DPP6: variants seen among roughly 807,000 people sequenced by gnomAD.
The protein encoded by DPP6 is A-type potassium channel modulatory protein DPP6.
DPP6 carries 69 observed loss-of-function variants against 122.6 expected under a neutral mutation model. That is an observed-to-expected ratio of 0.56 (90% confidence interval 0.46 to 0.69). The LOEUF is 0.69. Ranked by LOEUF, DPP6 falls within the 30% of genes least tolerant of loss-of-function variation. DPP6 has a pLI of 0.00. For synonymous variants in DPP6, 418 were observed against 433.1 expected (o/e 0.97, Z 0.43); for missense variants, 928 against 1,116.9 (o/e 0.83, Z 2.41).
chr7:153,974,658 A>G (rs1796203336), intron 1 of DPP6, among the ~76,000 whole-genome samples: 1 of 152,220 alleles, frequency 6.6e-6, no homozygotes, highest in Non-Finnish European at 1.5e-5. Flanking sequence ...TGACTCCAAC[A>G]CAGGGCCCTG....
chr7:153,759,971 ATCTCTC>A, the DPP6 span, among the ~76,000 whole-genome samples: 1,855 of 137,036 alleles, frequency 0.014, 15 homozygotes, highest in Admixed American at 0.021. Context: ...CTGTTTCTGT[ATCTCTC>A]TCTCTCTCTC....
Position 153,890,683 on chromosome 7 carries a change from CTTTTTTT to C in DPP6, c.51+2969_51+2975del, listed in dbSNP as rs34345128. Among the ~76,000 whole-genome samples, 40 of 81,994 alleles carry C rather than the reference CTTTTTTT, an allele frequency of 4.9e-4. 2 individuals are homozygous for C. The highest frequency in any genetic ancestry group is 4.7e-3 in the East Asian group (13 of 2,762). The allele number at this position is 81,994 out of a possible 152,430, so 53.8% of individuals were successfully genotyped here. A position where few individuals can be genotyped will look rare whatever the true frequency, so the allele number is the denominator to read the frequency against. ...TACCACAGGTGGAATCAGTTTAGAA[CTTTTTTT>C]TTTTTTTTTTTTTTTTTTTGGAGAC... On this transcript the variant is annotated intron_variant, in intron 1 of 25. Transcript: ENST00000404039.
At chr7:154,647,918 T>A (rs938089350) in intron 6 of DPP6, among the ~76,000 whole-genome samples, 1 of 151,802 alleles carries the variant, frequency 6.6e-6, no homozygotes, top group Non-Finnish European at 1.5e-5. Context: ...CAAGCCTGGT[T>A]CATGTGTGTG....
the DPP6 span, among the ~76,000 whole-genome samples, chr7:153,820,907 A>C: frequency 7.1e-6 from 1 of 140,864 alleles, no homozygotes; most frequent in South Asian, 2.5e-4. Context: ...CTGGGGAAAT[A>C]AGGAAGTGGA....
the DPP6 span, among the ~76,000 whole-genome samples, chr7:153,765,980 G>A: frequency 1.3e-5 from 2 of 152,214 alleles, no homozygotes; most frequent in Non-Finnish European, 2.9e-5. Flanking sequence ...TGGAGCCCAA[G>A]ATTCTGCATT....
At chr7:154,275,157 T>A (rs1804046841) in intron 1 of DPP6, among the ~76,000 whole-genome samples, 1 of 152,260 alleles carries the variant, frequency 6.6e-6, no homozygotes, top group Non-Finnish European at 1.5e-5. Flanking sequence ...TTTGCCCCTT[T>A]GGGCAGCCTC....
At chr7:154,214,072 C>A (rs1291415286) in intron 1 of DPP6, among the ~76,000 whole-genome samples, 1 of 152,196 alleles carries the variant, frequency 6.6e-6, no homozygotes, top group Admixed American at 6.5e-5. Context: ...GGACAGCTGG[C>A]TGGAAACTTT....
intron 6 of DPP6, among the ~76,000 whole-genome samples, chr7:154,666,348 G>T (rs1195511925): frequency 9.1e-5 from 13 of 143,378 alleles, no homozygotes; most frequent in Non-Finnish European, 2.0e-4. Flanking sequence ...TATTGGGGGG[G>T]TATAGTTTTG....
chr7:154,839,222 T>C (rs1801324300), intron 16 of DPP6, among the ~76,000 whole-genome samples: 2 of 152,102 alleles, frequency 1.3e-5, no homozygotes, highest in South Asian at 2.1e-4. Flanking sequence ...TTAAGATGAG[T>C]GGTGGTATCA....
intron 3 of DPP6, among the ~76,000 whole-genome samples, chr7:154,480,663 A>C (rs1204066208): frequency 6.6e-6 from 1 of 152,080 alleles, no homozygotes; most frequent in East Asian, 1.9e-4. Flanking sequence ...TATAGTTTTA[A>C]ATATCCTCCA....
chr7:153,818,938 G>T, the DPP6 span, among the ~76,000 whole-genome samples: 10 of 151,658 alleles, frequency 6.6e-5, no homozygotes, highest in Admixed American at 3.3e-4. Context: ...TTTTAGTAGA[G>T]ATGGGGTTTC....
intron 4 of DPP6, among the ~76,000 whole-genome samples, chr7:154,556,640 C>G (rs952558171): frequency 1.3e-5 from 2 of 152,088 alleles, no homozygotes; most frequent in Middle Eastern, 3.4e-3. Flanking sequence ...AATCCTGAAG[C>G]TATAAAAGAT....
At chr7:154,039,993 C>T (rs1297223474) in intron 1 of DPP6, among the ~76,000 whole-genome samples, 2 of 111,448 alleles carry the variant, frequency 1.8e-5, no homozygotes, top group Non-Finnish European at 3.7e-5. Flanking sequence ...TCTGAGCTCC[C>T]AGGGCGCCCC....
chr7:154,546,197 A>T (rs941334899), intron 4 of DPP6, among the ~76,000 whole-genome samples: 1 of 152,218 alleles, frequency 6.6e-6, no homozygotes, highest in South Asian at 2.1e-4. Flanking sequence ...GATATATTTT[A>T]AAAAGATACA....
chr7:154,346,966 G>A (rs1000550705), intron 1 of DPP6, among the ~76,000 whole-genome samples: 1 of 152,156 alleles, frequency 6.6e-6, no homozygotes, highest in African/African-American at 2.4e-5. Context: ...AGAGATGGAT[G>A]TGAGAAAGAT....
chr7:154,645,318 G>C (rs1362295380), intron 6 of DPP6, among the ~76,000 whole-genome samples: 1 of 152,048 alleles, frequency 6.6e-6, no homozygotes, highest in Non-Finnish European at 1.5e-5. Context: ...GCCCGCCTCG[G>C]CCTCCCAAAG....
chr7:154,537,201 A>C (rs532142304), intron 3 of DPP6, among the ~76,000 whole-genome samples: 1 of 152,310 alleles, frequency 6.6e-6, no homozygotes, highest in Non-Finnish European at 1.5e-5. Flanking sequence ...CTTACAAATC[A>C]ATTAGATAAA....
chr7:154,871,723 G>T (rs551781018), intron 18 of DPP6, among the ~76,000 whole-genome samples: 1 of 152,102 alleles, frequency 6.6e-6, no homozygotes, highest in African/African-American at 2.4e-5. Flanking sequence ...GTAATGAGAC[G>T]CCAGGTCAGA....
chr7:154,421,899 T>A (rs1316425130), intron 1 of DPP6, among the ~76,000 whole-genome samples: 1 of 152,176 alleles, frequency 6.6e-6, no homozygotes, highest in African/African-American at 2.4e-5. Flanking sequence ...ATTTATTTAA[T>A]GATTGAAAAG....
Sources: gnomAD v4.1 joint callset for allele counts (sites outside exome capture counted in the v4.1 genomes callset) on GRCh38, gnomAD v4.1.1 for gene constraint, MANE v1.5 for transcripts, NCBI Gene and HGNC (gene_info 2026-07-23, HGNC 2026-07-21) for gene names.